Variants in ABCC8 observed in about 807,000 individuals in gnomAD.
The protein encoded by ABCC8 is ATP-binding cassette sub-family C member 8.
A neutral mutation model predicts 188.0 loss-of-function variants in ABCC8; 137 were observed. The observed-to-expected ratio is 0.73, with a 90% CI of 0.63 to 0.84. ABCC8 has a LOEUF of 0.84. ABCC8 is among the 40% of genes least tolerant of loss of function. The pLI, the probability that ABCC8 is intolerant of heterozygous loss-of-function variation, is 0.00. For missense variants in ABCC8, 1,750 were observed against 2,072.7 expected (o/e 0.84, Z 3.02); for synonymous variants, 797 against 846.5 (o/e 0.94, Z 1.01).
intron 10 of ABCC8, among the ~76,000 whole-genome samples, chr11:17,441,500 G>T (rs1474455628): frequency 6.6e-6 from 1 of 152,084 alleles, no homozygotes; most frequent in Non-Finnish European, 1.5e-5. Flanking sequence ...GTAAGTTTTG[G>T]TTTCTTTTTT....
chr11:17,394,455 G>A, intron 36 of ABCC8, 56 bp from the exon 37 acceptor site: 1 of 1,613,104 alleles, frequency 6.2e-7, no homozygotes, highest in Non-Finnish European at 8.5e-7. Flanking sequence ...GCTGTGAGTG[G>A]AGCAGATGGG....
chr11:17,410,629 TA>T lies in ABCC8; in HGVS notation c.2580del (p.Asp860GlufsTer4). 6.2e-7 allele frequency: 1 copy of T among 1,613,898 alleles called. No homozygotes were observed. The highest frequency in any genetic ancestry group is 8.5e-7 in the Non-Finnish European group (1 of 1,179,928). ...TGCATTAAGTGGTCACTCAGATGGA[TA>T]TCCAGAGCTGAGAAGGGGTCATCCT... ...VFLDDPFSAL[D>X]IHLSDHLMQA... On this transcript the variant is annotated frameshift_variant, in exon 22 of 39. Coordinates refer to ENST00000389817, the MANE Select transcript of ABCC8 (RefSeq NM_000352.6). LOFTEE classifies it high-confidence loss of function.
At chr11:17,421,555 C>A (rs1955344180) in intron 16 of ABCC8, among the ~76,000 whole-genome samples, 1 of 152,196 alleles carries the variant, frequency 6.6e-6, no homozygotes, top group Middle Eastern at 3.4e-3. Flanking sequence ...AAGAATCTTT[C>A]CCAGGAGACA....
chr11:17,398,477 G>GAT, intron 29 of ABCC8, 36 bp from the exon 30 acceptor site: 1 of 1,612,880 alleles, frequency 6.2e-7, no homozygotes. Context: ...AGGGAACAGT[G>GAT]TTGGTCCACA....
In ABCC8 at chr11:17,453,267, A is replaced by G; in HGVS notation, c.1028T>C (p.Val343Ala). 6.2e-7 allele frequency: 1 copy of G among 1,614,048 alleles called. No individual in the cohort carries two copies. The highest frequency in any genetic ancestry group is 8.5e-7 in the Non-Finnish European group (1 of 1,179,998). Residue 343 changes from valine to alanine, a missense_variant, in exon 7 of 39, where the codon GTT (valine) becomes GCT (alanine). Val to Ala is a moderately conservative substitution (Grantham distance 64, BLOSUM62 0). Coordinates refer to ENST00000389817, the MANE Select transcript of ABCC8 (RefSeq NM_000352.6). ...GAACTCTTGGGATGAGACAAAGTAA[A>G]CCCCGAGAAATTGTGTCTGTTGGAA... ...VFQPKTQFLG[V>A]YFVSSQEFLA...
chr11:17,434,663 C>A (rs574629509), intron 10 of ABCC8, among the ~76,000 whole-genome samples: 3 of 152,218 alleles, frequency 2.0e-5, no homozygotes, highest in African/African-American at 7.2e-5. Context: ...CACATTTTCC[C>A]TGGTCATGGT....
chr11:17,448,575 T>C lies in ABCC8; in HGVS notation c.1273A>G (p.Thr425Ala), dbSNP rs779810296. The C allele has an allele frequency of 1.9e-6, 3 of 1,614,128 alleles. No homozygotes were observed. The highest frequency in any genetic ancestry group is 2.2e-5 in the South Asian group (2 of 91,074). ...GQICNLVAIDTNQLMWFFFLC... is the reference protein window; with the variant it reads ...GQICNLVAIDANQLMWFFFLC... ...AAGAAAAACCACATGAGCTGATTGG[T>C]GTCGATGGCAACCAGATTACAGATC... Residue 425 changes from threonine to alanine, a missense_variant, in exon 8 of 39, where the codon ACC (threonine) becomes GCC (alanine). Physicochemically the swap from Thr to Ala is moderately conservative, Grantham distance 58. Coordinates refer to ENST00000389817, the MANE Select transcript of ABCC8 (RefSeq NM_000352.6).
intron 21 of ABCC8, among the ~76,000 whole-genome samples, chr11:17,411,208 G>A (rs1036771897): frequency 3.9e-5 from 6 of 152,152 alleles, no homozygotes; most frequent in South Asian, 2.1e-4. Context: ...TGACACTGGC[G>A]CAAAGCCAGA....
intron 12 of ABCC8, chr11:17,430,553 T>C: frequency 1.9e-6 from 1 of 515,536 alleles, no homozygotes; most frequent in Non-Finnish European, 3.5e-6. Context: ...ACTGGTTTTT[T>C]TTTTTTTTTA....
At chr11:17,400,444 T>G (rs1954179152) in intron 29 of ABCC8, among the ~76,000 whole-genome samples, 1 of 152,172 alleles carries the variant, frequency 6.6e-6, no homozygotes, top group Non-Finnish European at 1.5e-5. Flanking sequence ...TGCGACAGTG[T>G]GTCTGAGGAC....
At chr11:17,401,804 C>G (rs1434887952) in intron 29 of ABCC8, among the ~76,000 whole-genome samples, 2 of 152,102 alleles carry the variant, frequency 1.3e-5, no homozygotes, top group East Asian at 1.9e-4. Flanking sequence ...CTCAGATGCT[C>G]CTGTCCACCC....
At chr11:17,402,235 G>T (rs993347584) in intron 29 of ABCC8, among the ~76,000 whole-genome samples, 2 of 152,176 alleles carry the variant, frequency 1.3e-5, no homozygotes, top group Admixed American at 1.3e-4. Flanking sequence ...CAATGGAAAT[G>T]ACCATTCTCA....
chr11:17,401,240 G>T (rs377083993), intron 29 of ABCC8, among the ~76,000 whole-genome samples: 1 of 152,208 alleles, frequency 6.6e-6, no homozygotes, highest in Non-Finnish European at 1.5e-5. Flanking sequence ...TTGAAGGAAC[G>T]GGAGAAGTTC....
chr11:17,430,852 C>T lies in ABCC8; in HGVS notation c.1779G>A (p.Leu593=), dbSNP rs538435990. The T allele has an allele frequency of 2.5e-6, 4 of 1,614,226 alleles. No individual in the cohort carries two copies. The East Asian group carries it at 6.7e-5, about 27-fold the overall frequency. ...FHILVTPLFL[L]SSVVRSTVKA... is the part of the protein sequence containing the mutation. ...TGACGGTAGATCGGACCACACTGGA[C>T]AGCAGGAACAGCGGTGTGACCAAGA... Residue 593 remains leucine (L), a synonymous_variant, in exon 12 of 39, where the codon CTG becomes CTA. Coordinates refer to ENST00000389817, the MANE Select transcript of ABCC8 (RefSeq NM_000352.6).
intron 1 of ABCC8, among the ~76,000 whole-genome samples, chr11:17,475,409 G>C (rs1030631004): frequency 5.7e-5 from 8 of 139,696 alleles, no homozygotes; most frequent in African/African-American, 1.8e-4. Context: ...TAGAAAGGGC[G>C]GGGGGGGTCT....
At chr11:17,423,587 G>A (rs1564917268) in intron 16 of ABCC8, among the ~76,000 whole-genome samples, 3 of 152,124 alleles carry the variant, frequency 2.0e-5, no homozygotes, top group Non-Finnish European at 2.9e-5. Flanking sequence ...GACCAGGACC[G>A]GGCGAGAGAG....
At chr11:17,425,156 C>T (rs1453453126) in intron 16 of ABCC8, among the ~76,000 whole-genome samples, 2 of 152,166 alleles carry the variant, frequency 1.3e-5, no homozygotes, top group Admixed American at 1.3e-4. Context: ...CCCAGTCAGG[C>T]TATGTTGAAA....
intron 33 of ABCC8, 54 bp downstream of exon 33, chr11:17,396,862 C>G: frequency 1.2e-6 from 2 of 1,606,184 alleles, no homozygotes; most frequent in Non-Finnish European, 1.7e-6. Flanking sequence ...CCGTGCATGC[C>G]CCATCCCCTG....
rs761749884 is a variant in ABCC8, at chr11:17,470,182, C to T, written c.331G>A (p.Gly111Arg). Residue 111 changes from glycine to arginine, a missense_variant, in exon 3 of 39, where the codon GGG becomes AGG. Transcript: ENST00000389817. ...GTGACAGCAGCCATGAACGCCATCC[C>T]GGCTGGCATGTACAGGTGCAGATGG... Reference protein sequence around the residue: ...SHHLHLYMPAGMAFMAAVTSV... With the variant: ...SHHLHLYMPARMAFMAAVTSV... 6.2e-6 allele frequency: 10 copies of T among 1,614,026 alleles called. No individual in the cohort carries two copies. Among genetic ancestry groups the T allele is most frequent in the South Asian group, 4.4e-5 (4 of 91,078 alleles).
Sources: gnomAD v4.1 joint callset for allele counts (sites outside exome capture counted in the v4.1 genomes callset) on GRCh38, gnomAD v4.1.1 for gene constraint, MANE v1.5 for transcripts, NCBI Gene and HGNC (gene_info 2026-07-23, HGNC 2026-07-21) for gene names.